Variants in HPCAL1 observed in about 807,000 individuals in gnomAD.
The protein encoded by HPCAL1 is hippocalcin like 1.
HPCAL1 carries 8 observed loss-of-function variants against 17.1 expected under a neutral mutation model. The observed-to-expected ratio is 0.47, with a 90% CI of 0.27 to 0.84. The LOEUF is 0.84. HPCAL1 is among the 40% of genes least tolerant of loss of function. HPCAL1 has a pLI of 0.13. For missense variants in HPCAL1, 165 were observed against 271.1 expected (o/e 0.61, Z 2.75); for synonymous variants, 112 against 111.4 (o/e 1.01, Z -0.03).
intron 2 of HPCAL1, among the ~76,000 whole-genome samples, chr2:10,418,102 C>CA (rs943756684): frequency 6.6e-6 from 1 of 151,772 alleles, no homozygotes; most frequent in Non-Finnish European, 1.5e-5. Flanking sequence ...TAAGTAAAAA[C>CA]AAAAACATGT....
At position 10,408,946 on chromosome 2, in the gene HPCAL1, T is replaced by C. The variant is rs138931332; in HGVS notation, c.-24-10788T>C. The stretch of plus-strand genomic sequence containing the variant: ...GACACATACCTATGTGATTGTAACT[T>C]TTTCTATAGCCGCATTGAAAAGTAA... On this transcript the variant is annotated intron_variant, in intron 2 of 4. Transcript: ENST00000307845. 4.7e-4 allele frequency among the ~76,000 whole-genome samples: 71 copies of C among 152,334 alleles called. 3 individuals carry two copies. Among genetic ancestry groups the C allele is most frequent in the African/African-American group, 1.5e-3 (62 of 41,572 alleles).
At chr2:10,396,376 G>C (rs1669025515) in intron 1 of HPCAL1, among the ~76,000 whole-genome samples, 1 of 152,214 alleles carries the variant, frequency 6.6e-6, no homozygotes, top group South Asian at 2.1e-4. Context: ...TGGCAGGCCT[G>C]GGTGTGCCTG....
chr2:10,393,836 C>T (rs555885575), intron 1 of HPCAL1, among the ~76,000 whole-genome samples: 249 of 152,026 alleles, frequency 1.6e-3, no homozygotes, highest in Non-Finnish European at 2.9e-3. Context: ...CCTTTAGGCC[C>T]GGGCGTGGTG....
In HPCAL1 at chr2:10,419,970, C is replaced by T. The variant is rs1670933319; in HGVS notation, c.213C>T (p.Thr71=). The T allele has an allele frequency of 4.3e-6, 7 of 1,613,900 alleles. No individual in the cohort carries two copies. Among genetic ancestry groups the T allele is most frequent in the Non-Finnish European group, 5.9e-6 (7 of 1,180,028 alleles). The change falls in exon 3 of 5, where the codon ACC becomes ACT. Residue 71 remains threonine (T), a synonymous_variant. Transcript: ENST00000307845. The surrounding 1 kb of genome is among the most constrained non-coding windows in gnomAD (Gnocchi z 5.0). ...AGTTCGCCGAGCACGTCTTCCGCAC[C>T]TTCGACACCAACGGCGACGGCACCA... ...ASKFAEHVFR[T]FDTNGDGTID... is the part of the protein sequence containing the mutation.
intron 1 of HPCAL1, chr2:10,324,254 G>C (rs867088982): frequency 1.3e-5 from 2 of 152,230 alleles, no homozygotes; most frequent in African/African-American, 4.8e-5. Flanking sequence ...AAGTTGTTAA[G>C]GCTGTGGTTA....
rs1288973144 is a variant in HPCAL1, at chr2:10,304,879, G to A, written c.-111+1702G>A. ...CGGCATGGGGTTGGGCTGCGGAGGG[G>A]ACAGCATGGGCGGCCTTTTGGTATG... On this transcript the variant is annotated intron_variant, in intron 1 of 4. Coordinates refer to ENST00000307845, the MANE Select transcript of HPCAL1 (RefSeq NM_002149.4). The surrounding 1 kb of genome is among the most constrained non-coding windows in gnomAD (Gnocchi z 4.1). Among the ~76,000 whole-genome samples, 3 of 151,976 alleles carry A rather than the reference G, an allele frequency of 2.0e-5. No individual in the cohort carries two copies. The highest frequency in any genetic ancestry group is 4.4e-5 in the Non-Finnish European group (3 of 67,990).
intron 1 of HPCAL1, among the ~76,000 whole-genome samples, chr2:10,345,129 GTCTGTC>G (rs1021081346): frequency 2.6e-5 from 4 of 151,748 alleles, no homozygotes; most frequent in African/African-American, 7.3e-5. Context: ...CTCTGTATGT[GTCTGTC>G]TCTGTTTCTG....
intron 1 of HPCAL1, among the ~76,000 whole-genome samples, chr2:10,318,279 G>T (rs1246097791): frequency 2.0e-5 from 3 of 152,046 alleles, no homozygotes; most frequent in Non-Finnish European, 4.4e-5. Context: ...GTAGGCCCCA[G>T]GTGGGTATCC....
At chr2:10,417,779 C>A (rs543073097) in intron 2 of HPCAL1, among the ~76,000 whole-genome samples, 1 of 151,992 alleles carries the variant, frequency 6.6e-6, no homozygotes, top group East Asian at 1.9e-4. Context: ...TCTTGGCTCA[C>A]GGCTGTAGTC....
chr2:10,354,061 C>T lies in HPCAL1; in HGVS notation c.-110-42774C>T, dbSNP rs114395833. On this transcript the variant is annotated intron_variant, in intron 1 of 4. Transcript: ENST00000307845. The surrounding 1 kb of genome is among the most constrained non-coding windows in gnomAD (Gnocchi z 5.1). ...GTGGTTTTGTGATGTGATCTGTCAT[C>T]TCCTCTGGGCTTGCATTTCTCCAGT... 7.6e-4 allele frequency among the ~76,000 whole-genome samples: 115 copies of T among 152,310 alleles called. No individual in the cohort carries two copies. The highest frequency in any genetic ancestry group is 2.6e-3 in the African/African-American group (108 of 41,566).
At chr2:10,404,326 A>T (rs3771140) in intron 2 of HPCAL1, among the ~76,000 whole-genome samples, 106,017 of 152,042 alleles carry the variant, frequency 0.7, 38,593 homozygotes, top group African/African-American at 0.92. Context: ...CAGCACACTG[A>T]GGATTCCTCC....
In HPCAL1 at chr2:10,359,669, G is replaced by A. The variant is rs377707701; in HGVS notation, c.-110-37166G>A. On this transcript the variant is annotated intron_variant, in intron 1 of 4. Coordinates refer to ENST00000307845, the MANE Select transcript of HPCAL1 (RefSeq NM_002149.4). The surrounding 1 kb of genome is among the most constrained non-coding windows in gnomAD (Gnocchi z 4.1). ...TTCCAGGCCCACTCAGTGGCTGGCG[G>A]TCCCACCTCCAAATGCAGGCAGACC... Among the ~76,000 whole-genome samples the A allele has an allele frequency of 2.6e-4, 39 of 152,332 alleles. No homozygotes were observed. The highest frequency in any genetic ancestry group is 9.4e-4 in the African/African-American group (39 of 41,584).
chr2:10,347,476 G>A (rs1404544532), intron 1 of HPCAL1, among the ~76,000 whole-genome samples: 1 of 152,186 alleles, frequency 6.6e-6, no homozygotes, highest in East Asian at 1.9e-4. Context: ...GCAAAGGTGG[G>A]CGTGGGGAGG....
At chr2:10,412,679 C>T (rs1318289344) in intron 2 of HPCAL1, among the ~76,000 whole-genome samples, 5 of 152,206 alleles carry the variant, frequency 3.3e-5, no homozygotes, top group Admixed American at 6.5e-5. Context: ...CACATGGTCT[C>T]GGCACAGGCT....
Position 10,384,411 on chromosome 2 carries a change from C to CA in HPCAL1, c.-110-12423dup, listed in dbSNP as rs1189841091. Among the ~76,000 whole-genome samples the CA allele has an allele frequency of 1.3e-5, 2 of 152,170 alleles. No homozygotes were observed. The highest frequency in any genetic ancestry group is 3.9e-4 in the East Asian group (2 of 5,180). On this transcript the variant is annotated intron_variant, in intron 1 of 4. Transcript: ENST00000307845. The surrounding 1 kb of genome is among the most constrained non-coding windows in gnomAD (Gnocchi z 4.4). Reference sequence around the variant, plus strand: ...CCCACCCTGGGGAGAGAGGAGAGCCCAGGTTACCATCTGTGGTGTCCCCTC... The same window carrying CA: ...CCCACCCTGGGGAGAGAGGAGAGCCCAAGGTTACCATCTGTGGTGTCCCCTC...
At chr2:10,358,032 C>T (rs1666283247) in intron 1 of HPCAL1, among the ~76,000 whole-genome samples, 1 of 152,224 alleles carries the variant, frequency 6.6e-6, no homozygotes, top group Non-Finnish European at 1.5e-5. Flanking sequence ...GTGTCCACCA[C>T]GGCCCCGTGC....
chr2:10,345,437 T>C (rs1665373273), intron 1 of HPCAL1, among the ~76,000 whole-genome samples: 2 of 150,074 alleles, frequency 1.3e-5, no homozygotes. Context: ...CCTACTGTGG[T>C]ACTATTTATT....
At chr2:10,381,558 C>G (rs1176283405) in intron 1 of HPCAL1, among the ~76,000 whole-genome samples, 2 of 152,168 alleles carry the variant, frequency 1.3e-5, no homozygotes, top group African/African-American at 2.4e-5. Context: ...GGGTATCCTC[C>G]CTTTATATCA....
At chr2:10,424,561 CG>C (rs1558538773) in intron 4 of HPCAL1, 2 of 471,094 alleles carry the variant, frequency 4.2e-6, no homozygotes, top group East Asian at 1.4e-4. Context: ...ACTCGCTGCC[CG>C]AATCTGCCTC....
Sources: allele counts gnomAD v4.1 joint callset (sites outside exome capture counted in the v4.1 genomes callset), GRCh38; gene constraint gnomAD v4.1.1; non-coding constraint Gnocchi (gnomAD v3.1); transcripts MANE v1.5; gene names NCBI Gene and HGNC (gene_info 2026-07-23, HGNC 2026-07-21).